Variants in SARNP observed in about 807,000 individuals in gnomAD.
SARNP encodes the protein SAP domain-containing ribonucleoprotein.
In SARNP, 5 loss-of-function variants were observed where a neutral mutation model predicts 38.1. That is an observed-to-expected ratio of 0.13 (90% CI 0.07 to 0.28). The LOEUF (loss-of-function observed/expected upper bound fraction) is 0.28. Among genes scored for constraint, SARNP ranks in the 10% least tolerant of loss-of-function variants. The pLI, the probability that SARNP is intolerant of heterozygous loss-of-function variation, is 1.00. For synonymous variants in SARNP, 84 were observed against 80.6 expected (o/e 1.04, Z -0.23); for missense variants, 180 against 243.9 (o/e 0.74, Z 1.75).
chr12:55,771,889 G>A (rs1014388431), intron 9 of SARNP, among the ~76,000 whole-genome samples: 14 of 152,070 alleles, frequency 9.2e-5, no homozygotes, highest in Non-Finnish European at 1.6e-4. Context: ...ATGATGACAC[G>A]GCCTTGACTT....
intron 1 of SARNP, among the ~76,000 whole-genome samples, chr12:55,815,657 T>C (rs1018049628): frequency 6.6e-6 from 1 of 151,672 alleles, no homozygotes; most frequent in Non-Finnish European, 1.5e-5. Context: ...AGAGGCGGGG[T>C]TTCGCCATGT....
chr12:55,813,318 T>TA (rs1456161591), intron 1 of SARNP, among the ~76,000 whole-genome samples: 10 of 152,214 alleles, frequency 6.6e-5, no homozygotes, highest in Admixed American at 6.5e-4. Context: ...TGTTTGTGGA[T>TA]AGAACATAGA....
intron 9 of SARNP, among the ~76,000 whole-genome samples, chr12:55,781,595 TCTCA>T (rs1292775219): frequency 1.3e-5 from 2 of 151,274 alleles, no homozygotes; most frequent in Non-Finnish European, 2.9e-5. Context: ...AGGTCCAATA[TCTCA>T]CTCACTGTGA....
chr12:55,784,727 TG>T, intron 9 of SARNP, among the ~76,000 whole-genome samples: 1 of 152,332 alleles, frequency 6.6e-6, no homozygotes, highest in Non-Finnish European at 1.5e-5. Context: ...TAGCCACAAA[TG>T]GCTTTGTAAA....
rs774061708 is a variant in SARNP at position 55,795,982 on chromosome 12, A to G, written c.303+43T>C. 1.2e-5 allele frequency: 16 copies of G among 1,320,910 alleles called. No individual in the cohort carries two copies. In the East Asian group the frequency reaches 3.7e-4, roughly 31 times the overall value. 81.8% of individuals were successfully genotyped at this position (1,320,910 alleles called of 1,614,324 possible). A position where few individuals can be genotyped will look rare whatever the true frequency, so the allele number is the denominator to read the frequency against. On this transcript the variant is annotated intron_variant, in intron 5 of 10. Coordinates refer to ENST00000336133, the MANE Select transcript of SARNP (RefSeq NM_033082.4). ...AGATATAATAAAGGGTAAGAGGGAG[A>G]GAGAAATGTAGAGACTGTTCTACTA... is the stretch of plus-strand genomic sequence containing the variant.
chr12:55,786,053 A>G lies in SARNP; in HGVS notation c.501+3022T>C, dbSNP rs1879483354. On this transcript the variant is annotated intron_variant, in intron 9 of 10. Coordinates refer to ENST00000336133, the MANE Select transcript of SARNP (RefSeq NM_033082.4). The stretch of plus-strand genomic sequence containing the variant: ...TCAAAGTCACAAAGTTAACATATGT[A>G]TCTGTTTTACTCAGCCTTCTGTGGA... Among the ~76,000 whole-genome samples, 4 of 152,216 alleles carry G rather than the reference A, an allele frequency of 2.6e-5. No homozygotes were observed. In the South Asian group the frequency reaches 8.3e-4, roughly 31 times the overall value.
intron 8 of SARNP, 25 bp from the exon 9 acceptor site, chr12:55,789,168 A>G (rs1247004260): frequency 2.0e-6 from 3 of 1,519,932 alleles, no homozygotes. Context: ...GGGAAAGAAC[A>G]TAGTTTTAAA....
downstream of SARNP, chr12:55,755,031 T>C (rs1344738525): frequency 1.3e-5 from 2 of 152,068 alleles, no homozygotes; most frequent in Non-Finnish European, 2.9e-5. Context: ...TAATTTTAAA[T>C]CCCTTTGGAA....
Position 55,794,407 on chromosome 12 carries a change from C to T in SARNP, c.378-20G>A, listed in dbSNP as rs777711215. ...CCAAACCTGAAGAAGGAAAAACAAA[C>T]TAAATTTTAGGAAGCTGTTCACACT... On this transcript the variant is annotated intron_variant, in intron 6 of 10. Transcript: ENST00000336133. 4 of 1,605,994 alleles carry T rather than the reference C, an allele frequency of 2.5e-6. No homozygotes were observed. The highest frequency in any genetic ancestry group is 3.4e-6 in the Non-Finnish European group (4 of 1,177,492).
intron 9 of SARNP, among the ~76,000 whole-genome samples, chr12:55,774,488 C>T (rs1365704505): frequency 6.9e-6 from 1 of 144,448 alleles, no homozygotes; most frequent in Non-Finnish European, 1.5e-5. Flanking sequence ...GGGAGGCCTA[C>T]GTGGGTGGAT....
downstream of SARNP, chr12:55,752,884 G>T: frequency 6.6e-6 from 1 of 152,334 alleles, no homozygotes. Flanking sequence ...AGAATTCAGT[G>T]CTGAGCTCTT....
intron 10 of SARNP, among the ~76,000 whole-genome samples, 179 bp from the exon 11 acceptor site, chr12:55,757,732 C>A (rs555217423): frequency 1.1e-4 from 17 of 152,208 alleles, no homozygotes; most frequent in Admixed American, 5.2e-4. Flanking sequence ...TTCCAGTTAT[C>A]CAGTAGGAGC....
At chr12:55,763,690 C>A (rs2136177860) in intron 9 of SARNP, among the ~76,000 whole-genome samples, 1 of 152,216 alleles carries the variant, frequency 6.6e-6, no homozygotes, top group Middle Eastern at 3.4e-3. Flanking sequence ...TGGGCTCAAT[C>A]AATCCTCTTG....
At chr12:55,789,037 A>C in intron 9 of SARNP, 38 bp downstream of exon 9, 1 of 1,404,588 alleles carries the variant, frequency 7.1e-7, no homozygotes, top group Admixed American at 1.8e-5. Flanking sequence ...AGCTGCTCTA[A>C]TGTCACAAAA....
At chr12:55,796,151 C>A in intron 4 of SARNP, 75 bp from the exon 5 acceptor site, 1 of 1,021,684 alleles carries the variant, frequency 9.8e-7, no homozygotes, top group South Asian at 1.3e-5. Context: ...TGTAAGAATT[C>A]ACCTGAGTCA....
At position 55,811,076 on chromosome 12, in the gene SARNP, C is replaced by T. The variant is rs1326079376; in HGVS notation, c.36+6590G>A. On this transcript the variant is annotated intron_variant, in intron 1 of 10. Coordinates refer to ENST00000336133, the MANE Select transcript of SARNP (RefSeq NM_033082.4). ...CAGCCTGGGTGACAGAGCGAGACTCCATCCCAAAAAAAAAAAAAGAAATCA... is the reference window on the plus strand; with the variant it reads ...CAGCCTGGGTGACAGAGCGAGACTCTATCCCAAAAAAAAAAAAAGAAATCA... Among the ~76,000 whole-genome samples the T allele has an allele frequency of 1.5e-4, 4 of 27,248 alleles. No individual in the cohort carries two copies. In the East Asian group the frequency reaches 3.6e-3, roughly 25 times the overall value. The allele number at this position is 27,248 out of a possible 152,430, so 17.9% of individuals were successfully genotyped here. A position where few individuals can be genotyped will look rare whatever the true frequency, so the allele number is the denominator to read the frequency against.
chr12:55,787,757 T>A (rs1879547128), intron 9 of SARNP, among the ~76,000 whole-genome samples: 1 of 151,240 alleles, frequency 6.6e-6, no homozygotes, highest in Non-Finnish European at 1.5e-5. Context: ...TTCTTTTTTT[T>A]TTTTTTCTTG....
chr12:55,765,251 C>T (rs1429393128), intron 9 of SARNP, among the ~76,000 whole-genome samples: 1 of 152,164 alleles, frequency 6.6e-6, no homozygotes, highest in Non-Finnish European at 1.5e-5. Context: ...AACGTATGTC[C>T]ACTTGGAATG....
chr12:55,808,666 T>C (rs2136206324), intron 1 of SARNP, among the ~76,000 whole-genome samples: 1 of 151,144 alleles, frequency 6.6e-6, no homozygotes, highest in Admixed American at 6.6e-5. Context: ...GAAGCTGAGG[T>C]GGGAGGAACG....
Sources: allele counts gnomAD v4.1 joint callset (sites outside exome capture counted in the v4.1 genomes callset), GRCh38; gene constraint gnomAD v4.1.1; transcripts MANE v1.5; gene names NCBI Gene and HGNC (gene_info 2026-07-23, HGNC 2026-07-21).